CEP112: variants seen among roughly 807,000 people sequenced by gnomAD.
CEP112 encodes the protein centrosomal protein 112.
In CEP112, 127 loss-of-function variants were observed where a neutral mutation model predicts 153.0. The observed-to-expected ratio is 0.83, with a 90% CI of 0.72 to 0.96. The LOEUF (loss-of-function observed/expected upper bound fraction) is 0.96. CEP112 is among the 40% of genes least tolerant of loss of function. CEP112 has a pLI of 0.00. For missense variants in CEP112, 1,089 were observed against 1,101.2 expected (o/e 0.99, Z 0.16); for synonymous variants, 358 against 374.4 (o/e 0.96, Z 0.51).
intron 16 of CEP112, among the ~76,000 whole-genome samples, chr17:66,014,656 G>A (rs999910271): frequency 6.6e-6 from 1 of 152,142 alleles, no homozygotes; most frequent in Non-Finnish European, 1.5e-5. Flanking sequence ...TCCAAAGCAA[G>A]AGCAGCTCAC....
chr17:66,135,884 AG>A (rs1261981777), intron 4 of CEP112, among the ~76,000 whole-genome samples: 2 of 152,184 alleles, frequency 1.3e-5, no homozygotes, highest in African/African-American at 2.4e-5. Flanking sequence ...TAAAGCCTAA[AG>A]GAAGACCAAT....
chr17:65,800,642 TG>T (rs375546899), intron 21 of CEP112, among the ~76,000 whole-genome samples: 3 of 152,246 alleles, frequency 2.0e-5, no homozygotes, highest in African/African-American at 7.2e-5. Flanking sequence ...GAGGAAATGC[TG>T]GATTTTATAA....
chr17:65,907,604 CT>C (rs2060132241), intron 19 of CEP112, among the ~76,000 whole-genome samples: 2 of 152,156 alleles, frequency 1.3e-5, no homozygotes, highest in African/African-American at 4.8e-5. Context: ...TTTTCCTAGG[CT>C]TCCGCACCAT....
chr17:66,078,510 C>T (rs1598304629), intron 8 of CEP112, among the ~76,000 whole-genome samples: 1 of 152,128 alleles, frequency 6.6e-6, no homozygotes, highest in African/African-American at 2.4e-5. Context: ...CCTGCCTCAG[C>T]CTCCCAAAGT....
chr17:66,110,988 T>A (rs776907644), intron 6 of CEP112, among the ~76,000 whole-genome samples: 2 of 151,908 alleles, frequency 1.3e-5, no homozygotes, highest in South Asian at 4.1e-4. Flanking sequence ...CCCGCATCAA[T>A]AAGGAACTTA....
At chr17:66,175,905 T>G (rs1016962509) in intron 3 of CEP112, among the ~76,000 whole-genome samples, 8 of 152,216 alleles carry the variant, frequency 5.3e-5, no homozygotes, top group African/African-American at 1.9e-4. Flanking sequence ...CTGCATTGAC[T>G]GCACACCTCT....
intron 6 of CEP112, among the ~76,000 whole-genome samples, chr17:66,120,969 T>G (rs1445813735): frequency 6.6e-6 from 1 of 152,222 alleles, no homozygotes; most frequent in Non-Finnish European, 1.5e-5. Flanking sequence ...CTTTTCTCTC[T>G]TGGTGCTTTC....
intron 23 of CEP112, among the ~76,000 whole-genome samples, chr17:65,739,956 C>G (rs1466903495): frequency 2.0e-5 from 3 of 152,098 alleles, no homozygotes; most frequent in African/African-American, 7.2e-5. Flanking sequence ...TATTGCTTCT[C>G]TGTGCAAAAG....
intron 20 of CEP112, among the ~76,000 whole-genome samples, chr17:65,864,160 C>T: frequency 6.7e-6 from 1 of 149,936 alleles, no homozygotes; most frequent in Non-Finnish European, 1.5e-5. Flanking sequence ...AAAGTGAGTG[C>T]CTCCTGGGAA....
At chr17:65,661,160 C>T (rs1398383332) in intron 24 of CEP112, among the ~76,000 whole-genome samples, 1 of 152,130 alleles carries the variant, frequency 6.6e-6, no homozygotes, top group Non-Finnish European at 1.5e-5. Flanking sequence ...TTTGCACATG[C>T]TGTTTTGTGC....
intron 24 of CEP112, among the ~76,000 whole-genome samples, chr17:65,650,919 T>A: frequency 6.6e-6 from 1 of 151,644 alleles, no homozygotes; most frequent in Non-Finnish European, 1.5e-5. Context: ...TCTTTCTCTA[T>A]ATATTTTTTA....
chr17:65,736,978 G>A (rs146509988), intron 23 of CEP112, among the ~76,000 whole-genome samples: 143 of 152,204 alleles, frequency 9.4e-4, no homozygotes, highest in South Asian at 2.3e-3. Flanking sequence ...ACAGCGACCC[G>A]CAGACATGTT....
intron 1 of CEP112, among the ~76,000 whole-genome samples, chr17:66,188,306 C>T (rs2073020981): frequency 6.6e-6 from 1 of 151,280 alleles, no homozygotes; most frequent in Non-Finnish European, 1.5e-5. Flanking sequence ...CACACACACA[C>T]ACACACACAC....
chr17:65,977,690 C>T lies in CEP112; in HGVS notation c.1737-16092G>A, dbSNP rs185984085. On this transcript the variant is annotated intron_variant, in intron 17 of 26. Coordinates refer to ENST00000535342, the MANE Select transcript of CEP112 (RefSeq NM_001199165.4). ...GTACAGTGGCTCATGCCTATAATCC[C>T]GACACTTTGGGAAGCCGAGGTGGGA... is the stretch of plus-strand genomic sequence containing the variant. Among the ~76,000 whole-genome samples the T allele has an allele frequency of 3.4e-3, 522 of 152,206 alleles. 3 individuals are homozygous for T. Among genetic ancestry groups the T allele is most frequent in the African/African-American group, 0.012 (508 of 41,504 alleles).
intron 21 of CEP112, among the ~76,000 whole-genome samples, chr17:65,837,215 C>T (rs1396707252): frequency 1.2e-4 from 18 of 152,162 alleles, no homozygotes; most frequent in Non-Finnish European, 2.1e-4. Flanking sequence ...AGCCTCTGCC[C>T]GGCCGCCACC....
At chr17:66,169,364 T>A (rs1244166331) in intron 4 of CEP112, among the ~76,000 whole-genome samples, 1 of 144,648 alleles carries the variant, frequency 6.9e-6, no homozygotes, top group East Asian at 2.3e-4. Context: ...GCTCACTACA[T>A]CCTCTGGCTC....
At chr17:65,983,425 T>C (rs1024090697) in intron 17 of CEP112, among the ~76,000 whole-genome samples, 1 of 152,170 alleles carries the variant, frequency 6.6e-6, no homozygotes, top group Non-Finnish European at 1.5e-5. Context: ...CCCCTCCAAA[T>C]ATCATGTTGA....
In CEP112 at chr17:65,904,129, G is replaced by A. The variant is rs150299244; in HGVS notation, c.1981-1795C>T. 8.2e-3 allele frequency among the ~76,000 whole-genome samples: 1,243 copies of A among 152,200 alleles called. 18 individuals are homozygous for A. The highest frequency in any genetic ancestry group is 0.028 in the African/African-American group (1,170 of 41,530). ...CAATCACGCAAGAGAAACAAATAAAGGGTATTCAAATAGAAAGAGAGAAAG... is the reference window on the plus strand; with the variant it reads ...CAATCACGCAAGAGAAACAAATAAAAGGTATTCAAATAGAAAGAGAGAAAG... On this transcript the variant is annotated intron_variant, in intron 19 of 26. Transcript: ENST00000535342.
chr17:65,756,600 T>G lies in CEP112; in HGVS notation c.2395-5876A>C, dbSNP rs111344396. Among the ~76,000 whole-genome samples, 938 of 152,054 alleles carry G rather than the reference T, an allele frequency of 6.2e-3. 12 individuals are homozygous for G. The highest frequency in any genetic ancestry group is 0.021 in the African/African-American group (881 of 41,482). ...GGTGATAAGGATAAAAGAAATTTTG[T>G]TGTAGTGGGAGACATGAAATCTGGA... On this transcript the variant is annotated intron_variant, in intron 21 of 26. Transcript: ENST00000535342.
Sources: gnomAD v4.1 joint callset for allele counts (sites outside exome capture counted in the v4.1 genomes callset) on GRCh38, gnomAD v4.1.1 for gene constraint, MANE v1.5 for transcripts, NCBI Gene and HGNC (gene_info 2026-07-23, HGNC 2026-07-21) for gene names.